QTMAN: variants seen among roughly 807,000 people sequenced by gnomAD.
QTMAN encodes the protein queuosine-tRNA mannosyltransferase.
chr2:144,063,336 T>C, the QTMAN span, among the ~76,000 whole-genome samples: 1 of 152,202 alleles, frequency 6.6e-6, no homozygotes, highest in Admixed American at 6.5e-5. Flanking sequence ...TTCAACTGAT[T>C]GAGTCAGTTG....
chr2:144,121,172 T>C, the QTMAN span, among the ~76,000 whole-genome samples: 14 of 151,962 alleles, frequency 9.2e-5, no homozygotes, highest in African/African-American at 3.1e-4. Flanking sequence ...GGGGCTTACA[T>C]ACAGAGGGGA....
chr2:144,027,784 T>G, the QTMAN span, among the ~76,000 whole-genome samples: 1 of 152,344 alleles, frequency 6.6e-6, no homozygotes, highest in African/African-American at 2.4e-5. Flanking sequence ...AGCACAGATG[T>G]GCACAAGAAT....
the QTMAN span, among the ~76,000 whole-genome samples, chr2:144,208,405 G>C: frequency 3.9e-5 from 6 of 152,098 alleles, no homozygotes; most frequent in African/African-American, 1.4e-4. Context: ...TCTAAATGAA[G>C]CTTCTTTCCT....
chr2:144,296,296 A>G, the QTMAN span, among the ~76,000 whole-genome samples: 1 of 152,260 alleles, frequency 6.6e-6, no homozygotes. Context: ...TTATCAGTGC[A>G]ATGTGATTAA....
the QTMAN span, among the ~76,000 whole-genome samples, chr2:144,110,101 T>C: frequency 2.6e-5 from 4 of 152,190 alleles, no homozygotes; most frequent in African/African-American, 9.7e-5. Flanking sequence ...CGTATGTTTA[T>C]TGAGGCACTA....
chr2:144,104,808 C>T, the QTMAN span, among the ~76,000 whole-genome samples: 1 of 152,238 alleles, frequency 6.6e-6, no homozygotes, highest in Non-Finnish European at 1.5e-5. Flanking sequence ...CAGACTGCCT[C>T]CTCAAGTGGG....
chr2:143,988,833 TG>T, the QTMAN span, among the ~76,000 whole-genome samples: 1 of 152,248 alleles, frequency 6.6e-6, no homozygotes, highest in African/African-American at 2.4e-5. Flanking sequence ...AATGAGTGAA[TG>T]GTTATGGCTT....
At chr2:144,072,084 C>T in the QTMAN span, among the ~76,000 whole-genome samples, 4 of 152,198 alleles carry the variant, frequency 2.6e-5, no homozygotes, top group African/African-American at 4.8e-5. Flanking sequence ...TTTGCTCACA[C>T]GAAAAGCCAT....
chr2:144,198,877 C>G, the QTMAN span, among the ~76,000 whole-genome samples: 1 of 152,248 alleles, frequency 6.6e-6, no homozygotes, highest in South Asian at 2.1e-4. Context: ...CTAAACTAAG[C>G]TTTTAAAGTT....
the QTMAN span, among the ~76,000 whole-genome samples, chr2:144,133,501 A>T: frequency 1.9e-4 from 17 of 88,214 alleles, no homozygotes; most frequent in East Asian, 8.8e-4. Flanking sequence ...ATATTATATA[A>T]TATATATACA....
chr2:143,982,060 T>C, the QTMAN span, among the ~76,000 whole-genome samples: 1 of 152,130 alleles, frequency 6.6e-6, no homozygotes, highest in Non-Finnish European at 1.5e-5. Context: ...AATACTTACA[T>C]GGAAAAGAAT....
At chr2:144,009,583 T>A in the QTMAN span, among the ~76,000 whole-genome samples, 3 of 152,090 alleles carry the variant, frequency 2.0e-5, 1 homozygote, top group Admixed American at 6.5e-5. Flanking sequence ...AACAAATACA[T>A]AAGAACTCCC....
chr2:144,118,491 T>G, the QTMAN span, among the ~76,000 whole-genome samples: 1 of 152,138 alleles, frequency 6.6e-6, no homozygotes, highest in Non-Finnish European at 1.5e-5. Flanking sequence ...CTTATACCAG[T>G]TCCGGCTGTA....
At chr2:144,162,190 T>A in the QTMAN span, among the ~76,000 whole-genome samples, 24 of 152,314 alleles carry the variant, frequency 1.6e-4, no homozygotes, top group African/African-American at 5.8e-4. Context: ...GGAGAAACCA[T>A]GCTGACACTG....
the QTMAN span, among the ~76,000 whole-genome samples, chr2:144,308,575 C>T: frequency 6.6e-6 from 1 of 152,004 alleles, no homozygotes; most frequent in Non-Finnish European, 1.5e-5. Flanking sequence ...TAAAAATTAA[C>T]TCAAAACAAA....
At chr2:144,250,112 G>A in the QTMAN span, among the ~76,000 whole-genome samples, 145 of 147,654 alleles carry the variant, frequency 9.8e-4, no homozygotes, top group African/African-American at 3.2e-3. Context: ...TCACACTGCC[G>A]TGGTTTTTGT....
the QTMAN span, among the ~76,000 whole-genome samples, chr2:144,088,050 A>G: frequency 1.3e-5 from 2 of 152,080 alleles, no homozygotes; most frequent in Non-Finnish European, 2.9e-5. Flanking sequence ...TTATGTGTAG[A>G]AAACCTAAAG....
chr2:143,956,413 A>C, the QTMAN span, among the ~76,000 whole-genome samples: 1 of 152,264 alleles, frequency 6.6e-6, no homozygotes, highest in East Asian at 1.9e-4. Flanking sequence ...ATACAGAAAC[A>C]CTTAGATATA....
the QTMAN span, among the ~76,000 whole-genome samples, chr2:144,051,984 ATTATAC>A: frequency 1.3e-5 from 2 of 152,328 alleles, no homozygotes; most frequent in East Asian, 1.9e-4. Flanking sequence ...AAATTATATA[ATTATAC>A]TTATACATTA....
Sources: gnomAD v4.1 joint callset for allele counts (sites outside exome capture counted in the v4.1 genomes callset) on GRCh38, gnomAD v4.1.1 for gene constraint, MANE v1.5 for transcripts, NCBI Gene and HGNC (gene_info 2026-07-23, HGNC 2026-07-21) for gene names.